DDX1: variants seen among roughly 807,000 people sequenced by gnomAD.
DDX1 encodes the protein ATP-dependent RNA helicase DDX1.
In DDX1, 28 loss-of-function variants were observed where a neutral mutation model predicts 108.7. That is an observed-to-expected ratio of 0.26 (90% CI 0.19 to 0.35). The LOEUF (loss-of-function observed/expected upper bound fraction) is 0.35, where lower values mean the gene tolerates loss of function less well. DDX1 is among the 10% of genes least tolerant of loss of function. The pLI is 1.00. For synonymous variants in DDX1, 295 were observed against 288.9 expected, an observed-to-expected ratio of 1.02 and a Z score of -0.21; for missense variants, 710 against 884.5, an observed-to-expected ratio of 0.80 and a Z score of 2.50.
intron 3 of DDX1, among the ~76,000 whole-genome samples, chr2:15,596,299 T>A (rs1665496599): frequency 6.6e-6 from 1 of 152,172 alleles, no homozygotes; most frequent in Admixed American, 6.5e-5. Flanking sequence ...GCATAAAATA[T>A]GTGTCTGAGG....
At position 15,623,499 on chromosome 2, in the gene DDX1, A is replaced by G. The variant is rs780702989; in HGVS notation, c.1511A>G (p.His504Arg). 3.1e-6 allele frequency: 5 copies of G among 1,613,564 alleles called. No homozygotes were observed. In the Admixed American group the frequency reaches 6.7e-5, roughly 22 times the overall value. Residue 504 changes from histidine to arginine, a missense_variant, in exon 19 of 26, where the codon CAT becomes CGT. Around this residue, in one of 3 missense-constraint regions of DDX1, gnomAD observed 661 missense variants for 810.2 expected, o/e 0.82. Transcript: ENST00000233084. ...GEYAVRAIKE[H>R]KMDQAIIFCR... is the part of the protein sequence containing the mutation. The stretch of plus-strand genomic sequence containing the variant: ...TATGCTGTCCGGGCAATCAAGGAAC[A>G]TAAGATGGATCAAGCAATTATCTTC...
intron 13 of DDX1, among the ~76,000 whole-genome samples, chr2:15,611,517 ACCC>A (rs537084520): frequency 7.9e-6 from 1 of 126,814 alleles, no homozygotes; most frequent in African/African-American, 3.1e-5. Flanking sequence ...CAGGGGGCTG[ACCC>A]CCCCACCTCC....
intron 13 of DDX1, among the ~76,000 whole-genome samples, chr2:15,612,110 C>A (rs534356545): frequency 6.9e-6 from 1 of 145,566 alleles, no homozygotes; most frequent in East Asian, 2.1e-4. Context: ...ACCTCCCTCC[C>A]GGACGGGGCG....
intron 18 of DDX1, 106 bp from the exon 19 acceptor site, chr2:15,623,330 C>A: frequency 9.7e-7 from 1 of 1,026,716 alleles, no homozygotes; most frequent in Non-Finnish European, 1.4e-6. Context: ...AACAAGTATT[C>A]TTTTTTAGGA....
chr2:15,612,366 A>G (rs559790345), intron 13 of DDX1, among the ~76,000 whole-genome samples: 1 of 148,692 alleles, frequency 6.7e-6, no homozygotes, highest in Non-Finnish European at 1.5e-5. Context: ...ATCTCAGACG[A>G]TGGGCAGCTG....
chr2:15,602,674 G>C (rs1665605204), intron 7 of DDX1, 43 bp downstream of exon 7: 1 of 1,387,384 alleles, frequency 7.2e-7, no homozygotes, highest in Admixed American at 1.7e-5. Context: ...TTTGAGGCAA[G>C]GTATTAATAC....
chr2:15,622,704 T>C (rs1666032789), intron 18 of DDX1, among the ~76,000 whole-genome samples: 1 of 152,212 alleles, frequency 6.6e-6, no homozygotes, highest in East Asian at 1.9e-4. Flanking sequence ...TGTTTGAAAA[T>C]CTGTCATCCC....
chr2:15,608,651 GT>G (rs150518921), intron 13 of DDX1, among the ~76,000 whole-genome samples: 35 of 125,192 alleles, frequency 2.8e-4, no homozygotes, highest in Middle Eastern at 4.5e-3. Context: ...AAAAGCCTGT[GT>G]TTTTTTTTAG....
chr2:15,620,494 G>A (rs766341152), intron 17 of DDX1, 98 bp downstream of exon 17: 4 of 908,162 alleles, frequency 4.4e-6, no homozygotes, highest in African/African-American at 1.7e-5. Context: ...ATCAGTTATT[G>A]TATCAAAGAA....
At chr2:15,628,744 G>A (rs1666142123) in intron 22 of DDX1, 34 bp downstream of exon 22, 1 of 1,613,124 alleles carries the variant, frequency 6.2e-7, no homozygotes, top group African/African-American at 1.3e-5. Flanking sequence ...CCATTTTTAA[G>A]CTTGTATGCT....
intron 12 of DDX1, among the ~76,000 whole-genome samples, chr2:15,606,483 G>A (rs1160436410): frequency 1.3e-5 from 2 of 152,150 alleles, no homozygotes; most frequent in Non-Finnish European, 2.9e-5. Context: ...CAATCATAAC[G>A]GTAATGATAT....
Position 15,594,915 on chromosome 2 carries a change from A to G in DDX1, c.17-230A>G, listed in dbSNP as rs139330704. On this transcript the variant is annotated intron_variant, in intron 1 of 25. Coordinates refer to ENST00000233084, the MANE Select transcript of DDX1 (RefSeq NM_004939.3). The stretch of plus-strand genomic sequence containing the variant: ...TATCAGCCCCATTTTGTGTGGAGAA[A>G]ACAGATTTATAGCTTTGCCTAAGGT... Among the ~76,000 whole-genome samples, 562 of 152,336 alleles carry G rather than the reference A, an allele frequency of 3.7e-3. 5 individuals are homozygous for G. The highest frequency in any genetic ancestry group is 9.8e-3 in the African/African-American group (406 of 41,562).
chr2:15,616,425 T>C (rs1168461774), intron 14 of DDX1, among the ~76,000 whole-genome samples: 1 of 152,238 alleles, frequency 6.6e-6, no homozygotes, highest in African/African-American at 2.4e-5. Flanking sequence ...AACTTTACTC[T>C]GAAACCTGTG....
intron 18 of DDX1, among the ~76,000 whole-genome samples, chr2:15,622,666 C>A (rs536767424): frequency 2.0e-5 from 3 of 152,064 alleles, no homozygotes; most frequent in Admixed American, 6.5e-5. Context: ...ACTTAGTTAT[C>A]CTTATTGTTG....
chr2:15,613,828 T>C (rs1455059496), intron 14 of DDX1, among the ~76,000 whole-genome samples: 1 of 143,118 alleles, frequency 7.0e-6, no homozygotes, highest in South Asian at 2.3e-4. Context: ...AGAAGAAGTT[T>C]AGGAATTTTT....
intron 17 of DDX1, 64 bp from the exon 18 acceptor site, chr2:15,621,001 A>T: frequency 1.0e-6 from 1 of 989,874 alleles, no homozygotes; most frequent in South Asian, 1.4e-5. Flanking sequence ...TTAAAACATG[A>T]CATATATTCT....
At chr2:15,606,954 G>T (rs1486917355) in intron 12 of DDX1, among the ~76,000 whole-genome samples, 1 of 152,122 alleles carries the variant, frequency 6.6e-6, no homozygotes, top group Non-Finnish European at 1.5e-5. Flanking sequence ...CGCCCAAAGT[G>T]CTAGGATTGC....
At chr2:15,622,356 A>G (rs1363739098) in intron 18 of DDX1, among the ~76,000 whole-genome samples, 2 of 152,218 alleles carry the variant, frequency 1.3e-5, no homozygotes, top group African/African-American at 2.4e-5. Flanking sequence ...TTCCGCCTCA[A>G]TGAAGATTCT....
At chr2:15,623,910 C>A (rs1291374139) in intron 19 of DDX1, among the ~76,000 whole-genome samples, 1 of 150,890 alleles carries the variant, frequency 6.6e-6, no homozygotes, top group Non-Finnish European at 1.5e-5. Flanking sequence ...GTCTTTTAAA[C>A]CAGTAGATGG....
Sources: allele counts gnomAD v4.1 joint callset (sites outside exome capture counted in the v4.1 genomes callset), GRCh38; gene constraint gnomAD v4.1.1; regional missense constraint gnomAD v4.1.1; transcripts MANE v1.5; gene names NCBI Gene and HGNC (gene_info 2026-07-23, HGNC 2026-07-21).